ZNF793: variants seen among roughly 807,000 people sequenced by gnomAD.
ZNF793 encodes zinc finger protein 793.
In ZNF793, 5 loss-of-function variants were observed where a neutral mutation model predicts 12.4. The ratio of observed to expected loss-of-function variants is 0.40; its 90% CI spans 0.21 to 0.84. ZNF793 has a LOEUF of 0.84. Ranked by LOEUF, ZNF793 falls within the 40% of genes least tolerant of loss-of-function variation. The probability of loss-of-function intolerance (pLI) is 0.35; values close to 1 mark genes in which losing one functional copy is unlikely to be tolerated. For missense variants in ZNF793, 456 were observed against 495.0 expected (o/e 0.92, Z 0.75); for synonymous variants, 162 against 172.4 (o/e 0.94, Z 0.47).
chr19:37,521,429 CTTTTTTTTTTTTT>C (rs74174472), intron 3 of ZNF793, among the ~76,000 whole-genome samples: 1 of 97,004 alleles, frequency 1.0e-5, no homozygotes, highest in Non-Finnish European at 2.0e-5. Context: ...GGTCAATTCT[CTTTTTTTTTTTTT>C]TTTTTTTTTT....
chr19:37,512,951 C>T (rs919423471), intron 2 of ZNF793, among the ~76,000 whole-genome samples: 6 of 151,904 alleles, frequency 3.9e-5, no homozygotes, highest in Middle Eastern at 6.8e-3. Flanking sequence ...CCTCTTTTAA[C>T]TTTGACATGT....
chr19:37,531,812 A>G (rs2042463372), intron 5 of ZNF793, among the ~76,000 whole-genome samples: 1 of 152,160 alleles, frequency 6.6e-6, no homozygotes, highest in Non-Finnish European at 1.5e-5. Context: ...GGACCCATCT[A>G]TGACTGTGAC....
At chr19:37,521,884 A>G (rs2042379140) in intron 3 of ZNF793, among the ~76,000 whole-genome samples, 2 of 152,132 alleles carry the variant, frequency 1.3e-5, no homozygotes, top group South Asian at 2.1e-4. Context: ...ATATACAAAT[A>G]TATATGTATA....
In ZNF793 at chr19:37,524,469, A is replaced by G. The variant is rs963281263; in HGVS notation, c.15+1015A>G. 1.1e-4 allele frequency among the ~76,000 whole-genome samples: 17 copies of G among 152,256 alleles called. No individual in the cohort carries two copies. The East Asian group carries it at 3.1e-3, about 28-fold the overall frequency. ...TGATGCAAGGAACATTCTCTTTTGG[A>G]TTACCAATGTACAAAGTGGAGAGTC... On this transcript the variant is annotated intron_variant, in intron 5 of 7. Coordinates refer to ENST00000627814, the MANE Select transcript of ZNF793 (RefSeq NM_001013659.3).
At chr19:37,510,039 A>G (rs1035318934) in intron 2 of ZNF793, among the ~76,000 whole-genome samples, 22 of 152,166 alleles carry the variant, frequency 1.4e-4, no homozygotes, top group African/African-American at 5.1e-4. Flanking sequence ...TTTCATTTAT[A>G]TAACAGATAC....
rs184271128 is a variant in ZNF793 at position 37,523,411 on chromosome 19, T to C, written c.-29T>C. The C allele has an allele frequency of 1.9e-4, 312 of 1,611,446 alleles. No homozygotes were observed. Among genetic ancestry groups the C allele is most frequent in the Non-Finnish European group, 2.6e-4 (306 of 1,177,714 alleles). On this transcript the variant is annotated splice_region_variant and 5_prime_UTR_variant, in exon 5 of 8. Transcript: ENST00000627814. ...CTTCTTCCCCCCACATGTCTACAGG[T>C]GTCAGATCTTTTTCAAGAACAGCAG...
intron 2 of ZNF793, among the ~76,000 whole-genome samples, chr19:37,510,605 G>T (rs2042286337): frequency 6.6e-6 from 1 of 151,448 alleles, no homozygotes; most frequent in Non-Finnish European, 1.5e-5. Context: ...GATTCCTTGA[G>T]CCCAGGAGTT....
chr19:37,511,481 G>A (rs1006532077), intron 2 of ZNF793, among the ~76,000 whole-genome samples: 3 of 152,072 alleles, frequency 2.0e-5, no homozygotes, highest in African/African-American at 4.8e-5. Flanking sequence ...GACCAGCCTG[G>A]CCAACACAGT....
chr19:37,514,109 A>T (rs149516126), intron 2 of ZNF793, among the ~76,000 whole-genome samples: 1 of 152,236 alleles, frequency 6.6e-6, no homozygotes, highest in African/African-American at 2.4e-5. Flanking sequence ...GGGAATAACC[A>T]TATTATTAAG....
intron 2 of ZNF793, among the ~76,000 whole-genome samples, chr19:37,512,541 A>T (rs1324615874): frequency 2.6e-5 from 4 of 151,250 alleles, no homozygotes; most frequent in African/African-American, 9.8e-5. Context: ...AACAATAATA[A>T]TAATAATACA....
rs573580595 is a variant in ZNF793, at chr19:37,519,546, CAA to C, written c.-275-636_-275-635del. Among the ~76,000 whole-genome samples the C allele has an allele frequency of 3.9e-5, 6 of 152,038 alleles. No individual in the cohort carries two copies. In the South Asian group the frequency reaches 1.2e-3, roughly 32 times the overall value. ...TTTAAGGACAAATGACAAATAAGGA[CAA>C]ATGTTATACTATAAAAACATATTTA... On this transcript the variant is annotated intron_variant, in intron 2 of 7. Coordinates refer to ENST00000627814, the MANE Select transcript of ZNF793 (RefSeq NM_001013659.3).
At chr19:37,536,782 T>A in intron 7 of ZNF793, 115 bp from the exon 8 acceptor site, 1 of 1,177,490 alleles carries the variant, frequency 8.5e-7, no homozygotes, top group South Asian at 1.7e-5. Context: ...CCTGCGTTTG[T>A]GCTTTGGGTT....
chr19:37,532,307 CACAA>C (rs1391939036), intron 5 of ZNF793, 45 bp from the exon 6 acceptor site: 1 of 1,580,602 alleles, frequency 6.3e-7, no homozygotes, highest in East Asian at 2.3e-5. Context: ...CCTGGCCCTG[CACAA>C]ACATTTTTTT....
chr19:37,510,751 C>A (rs1384649776), intron 2 of ZNF793, among the ~76,000 whole-genome samples: 1 of 150,402 alleles, frequency 6.6e-6, no homozygotes, highest in East Asian at 2.0e-4. Flanking sequence ...GGCTGGAGTG[C>A]AGTGGCACGA....
At chr19:37,506,697 T>A (rs942349625), upstream of ZNF793, 1 of 152,254 alleles carries the variant, frequency 6.6e-6, no homozygotes, top group Non-Finnish European at 1.5e-5. Context: ...CATCTCTGTT[T>A]AGGGATCCAG....
chr19:37,515,614 C>CT (rs758099041), intron 2 of ZNF793, among the ~76,000 whole-genome samples: 2 of 152,178 alleles, frequency 1.3e-5, no homozygotes, highest in Non-Finnish European at 1.5e-5. Flanking sequence ...AGCCTGATGA[C>CT]TTTTTTTATT....
chr19:37,510,732 T>C (rs572572530), intron 2 of ZNF793, among the ~76,000 whole-genome samples: 4 of 150,488 alleles, frequency 2.7e-5, no homozygotes, highest in African/African-American at 9.7e-5. Context: ...GGTCTCACTC[T>C]ATTGCCCAGG....
At position 37,521,429 on chromosome 19, in the gene ZNF793, CT is replaced by C. The variant is rs74174472; in HGVS notation, c.-146-1080del. Reference sequence around the variant, plus strand: ...TGAATCACCATGCATGGTCAATTCTCTTTTTTTTTTTTTTTTTTTTTTTGAG... The same window carrying C: ...TGAATCACCATGCATGGTCAATTCTCTTTTTTTTTTTTTTTTTTTTTTGAG... On this transcript the variant is annotated intron_variant, in intron 3 of 7. Coordinates refer to ENST00000627814, the MANE Select transcript of ZNF793 (RefSeq NM_001013659.3). Among the ~76,000 whole-genome samples, 637 of 97,020 alleles carry C rather than the reference CT, an allele frequency of 6.6e-3. 5 individuals are homozygous for C. Among genetic ancestry groups the C allele is most frequent in the East Asian group, 0.041 (128 of 3,094 alleles). The allele number at this position is 97,020 out of a possible 152,430, so 63.6% of individuals were successfully genotyped here. A position where few individuals can be genotyped will look rare whatever the true frequency, so the allele number is the denominator to read the frequency against.
chr19:37,509,951 T>C (rs544995588), intron 2 of ZNF793, among the ~76,000 whole-genome samples: 40 of 152,106 alleles, frequency 2.6e-4, no homozygotes, highest in Non-Finnish European at 4.6e-4. Context: ...GGGATATTCA[T>C]TGGGGGGGAG....
Sources: gnomAD v4.1 joint callset for allele counts (sites outside exome capture counted in the v4.1 genomes callset) on GRCh38, gnomAD v4.1.1 for gene constraint, MANE v1.5 for transcripts, NCBI Gene and HGNC (gene_info 2026-07-23, HGNC 2026-07-21) for gene names.